The following OSBPL8 variants were observed in gnomAD, a reference collection of about 807,000 sequenced individuals.
OSBPL8 encodes oxysterol-binding protein-related protein 8.
A neutral mutation model predicts 125.5 loss-of-function variants in OSBPL8; 59 were observed. The observed-to-expected ratio is 0.47, with a 90% CI of 0.38 to 0.58. The LOEUF (loss-of-function observed/expected upper bound fraction) is 0.58, where lower values mean the gene tolerates loss of function less well. Ranked by LOEUF, OSBPL8 falls within the 20% of genes least tolerant of loss-of-function variation. OSBPL8 has a pLI of 0.00. For missense variants in OSBPL8, 758 were observed against 1,047.8 expected, an observed-to-expected ratio of 0.72 and a Z score of 3.82; for synonymous variants, 330 against 338.9, an observed-to-expected ratio of 0.97 and a Z score of 0.29.
rs896642980 is a variant in OSBPL8, at chr12:76,352,686, C to T, written c.*3203G>A. ...ATGTATGGCTTATCAATAATGCCATCATCACTGTATGTCAAACAACCTCAC... is the reference window on the plus strand; with the variant it reads ...ATGTATGGCTTATCAATAATGCCATTATCACTGTATGTCAAACAACCTCAC... On this transcript the variant is annotated 3_prime_UTR_variant, in exon 24 of 24. Transcript: ENST00000261183. The T allele has an allele frequency of 6.6e-6, 1 of 152,500 alleles. No individual in the cohort carries two copies. Among genetic ancestry groups the T allele is most frequent in the South Asian group, 2.1e-4 (1 of 4,834 alleles). The allele number at this position is 152,500 out of a possible 1,614,324, so 9.4% of individuals were successfully genotyped here. A position where few individuals can be genotyped will look rare whatever the true frequency, so the allele number is the denominator to read the frequency against.
chr12:76,451,079 A>G, intron 3 of OSBPL8, 91 bp from the exon 4 acceptor site: 1 of 1,351,128 alleles, frequency 7.4e-7, no homozygotes, highest in Non-Finnish European at 1.0e-6. Flanking sequence ...CAAAACTGAA[A>G]TGGCCTTGGT....
intron 21 of OSBPL8, chr12:76,366,676 T>C (rs1207162909): frequency 1.1e-5 from 4 of 361,694 alleles, no homozygotes; most frequent in Admixed American, 3.7e-5. Flanking sequence ...TTCACAGATA[T>C]ATATTTTCCT....
chr12:76,390,894 A>C (rs1953531149), intron 10 of OSBPL8, among the ~76,000 whole-genome samples: 1 of 152,114 alleles, frequency 6.6e-6, no homozygotes, highest in Non-Finnish European at 1.5e-5. Context: ...AACCTAGAGA[A>C]ATGCAAAAAG....
At chr12:76,422,608 C>T (rs1275821081) in intron 4 of OSBPL8, 2 of 456,364 alleles carry the variant, frequency 4.4e-6, no homozygotes, top group African/African-American at 2.0e-5. Context: ...CAGGCAAAAC[C>T]CCAGTACAGG....
intron 22 of OSBPL8, among the ~76,000 whole-genome samples, chr12:76,358,026 A>T (rs1486985491): frequency 1.3e-5 from 2 of 152,154 alleles, no homozygotes; most frequent in African/African-American, 4.8e-5. Context: ...CAAACACTAC[A>T]GTAATTTATT....
intron 1 of OSBPL8, among the ~76,000 whole-genome samples, chr12:76,556,393 CT>C (rs1279232998): frequency 6.6e-6 from 1 of 152,170 alleles, no homozygotes; most frequent in Non-Finnish European, 1.5e-5. Context: ...AGAAAAATTC[CT>C]TCTATCACGC....
intron 4 of OSBPL8, among the ~76,000 whole-genome samples, chr12:76,437,516 A>G (rs1332895470): frequency 6.6e-6 from 1 of 152,218 alleles, no homozygotes; most frequent in Non-Finnish European, 1.5e-5. Context: ...GTTAATCCAT[A>G]GGAGTACTTA....
At chr12:76,440,934 A>G (rs569543511) in intron 4 of OSBPL8, among the ~76,000 whole-genome samples, 2 of 152,250 alleles carry the variant, frequency 1.3e-5, no homozygotes, top group East Asian at 3.9e-4. Context: ...TTTTACTGAC[A>G]ATTCACATTG....
At chr12:76,434,639 A>G (rs1013841597) in intron 4 of OSBPL8, among the ~76,000 whole-genome samples, 4 of 152,206 alleles carry the variant, frequency 2.6e-5, no homozygotes, top group African/African-American at 9.6e-5. Context: ...TTAAAAACTC[A>G]ACTCAATAAC....
intron 6 of OSBPL8, among the ~76,000 whole-genome samples, chr12:76,400,698 T>G (rs1954016870): frequency 6.6e-6 from 1 of 152,158 alleles, no homozygotes; most frequent in East Asian, 1.9e-4. Context: ...TGTATTTTTT[T>G]TTTTTGAGCA....
intron 1 of OSBPL8, among the ~76,000 whole-genome samples, chr12:76,536,502 C>CTGT (rs1950502107): frequency 6.6e-6 from 1 of 152,088 alleles, no homozygotes; most frequent in South Asian, 2.1e-4. Context: ...TACTACTTAA[C>CTGT]ACTATGTATG....
chr12:76,467,934 T>A (rs1357388786), intron 2 of OSBPL8, among the ~76,000 whole-genome samples: 1 of 152,224 alleles, frequency 6.6e-6, no homozygotes, highest in Non-Finnish European at 1.5e-5. Flanking sequence ...CTTCAGGCTA[T>A]CCCATCATTA....
At chr12:76,441,183 C>T (rs1872141054) in intron 4 of OSBPL8, among the ~76,000 whole-genome samples, 1 of 152,120 alleles carries the variant, frequency 6.6e-6, no homozygotes, top group African/African-American at 2.4e-5. Flanking sequence ...TATTTACAAG[C>T]AGGCTAAATG....
chr12:76,436,315 C>T (rs1871438049), intron 4 of OSBPL8, among the ~76,000 whole-genome samples: 1 of 152,052 alleles, frequency 6.6e-6, no homozygotes, highest in Non-Finnish European at 1.5e-5. Context: ...ATGGTTGTAA[C>T]CATGTTCCAA....
intron 2 of OSBPL8, among the ~76,000 whole-genome samples, chr12:76,462,205 TTC>T (rs1465707402): frequency 2.6e-5 from 4 of 152,332 alleles, no homozygotes; most frequent in East Asian, 1.9e-4. Flanking sequence ...CATTGTACAG[TTC>T]TGTTATATTC....
chr12:76,420,853 G>T (rs953034978), intron 4 of OSBPL8, among the ~76,000 whole-genome samples: 3 of 151,904 alleles, frequency 2.0e-5, no homozygotes. Context: ...ATTTTATAGA[G>T]CTTTTTATCA....
At chr12:76,442,038 T>A (rs1872246679) in intron 4 of OSBPL8, among the ~76,000 whole-genome samples, 1 of 152,188 alleles carries the variant, frequency 6.6e-6, no homozygotes, top group South Asian at 2.1e-4. Context: ...TATAAAAACA[T>A]CTAATGTACT....
intron 1 of OSBPL8, among the ~76,000 whole-genome samples, chr12:76,546,112 G>A (rs1285768735): frequency 6.6e-6 from 1 of 152,118 alleles, no homozygotes; most frequent in Non-Finnish European, 1.5e-5. Flanking sequence ...CACGGATTTT[G>A]TGTTACGTTG....
intron 15 of OSBPL8, among the ~76,000 whole-genome samples, chr12:76,380,212 A>G (rs780878750): frequency 6.6e-6 from 1 of 152,216 alleles, no homozygotes; most frequent in Non-Finnish European, 1.5e-5. Context: ...CTATGGCTCA[A>G]TTAAGGGAGC....
Sources: allele counts gnomAD v4.1 joint callset (sites outside exome capture counted in the v4.1 genomes callset), GRCh38; gene constraint gnomAD v4.1.1; transcripts MANE v1.5; gene names NCBI Gene and HGNC (gene_info 2026-07-23, HGNC 2026-07-21).